ATXN10: variants seen among roughly 807,000 people sequenced by gnomAD.
ATXN10 encodes the protein ataxin-10.
In ATXN10, 28 loss-of-function variants were observed where a neutral mutation model predicts 52.9. The ratio of observed to expected loss-of-function variants is 0.53; its 90% CI spans 0.39 to 0.73. The LOEUF (loss-of-function observed/expected upper bound fraction) is 0.73, where lower values mean the gene tolerates loss of function less well. ATXN10 is among the 30% of genes least tolerant of loss of function. The pLI is 0.00. For missense variants in ATXN10, 565 were observed against 577.0 expected (o/e 0.98, Z 0.21); for synonymous variants, 226 against 221.5 (o/e 1.02, Z -0.18).
chr22:45,713,983 A>C (rs116195312), intron 5 of ATXN10, among the ~76,000 whole-genome samples: 10 of 152,298 alleles, frequency 6.6e-5, no homozygotes, highest in Admixed American at 6.5e-4. Flanking sequence ...GCATGTGGAC[A>C]AGTAATGATT....
chr22:45,672,273 T>A (rs1316235158), intron 1 of ATXN10, 94 bp downstream of exon 1: 10 of 1,218,570 alleles, frequency 8.2e-6, no homozygotes, highest in Non-Finnish European at 1.0e-5. Flanking sequence ...CGCCCCCGCC[T>A]CGCTGGAGAC....
Position 45,782,213 on chromosome 22 carries a change from T to C in ATXN10, c.1174-24746T>C, listed in dbSNP as rs117241450. 6.4e-3 allele frequency among the ~76,000 whole-genome samples: 969 copies of C among 152,346 alleles called. 7 individuals carry two copies. Among genetic ancestry groups the C allele is most frequent in the South Asian group, 0.015 (71 of 4,830 alleles). Reference sequence around the variant, plus strand: ...TTTTATTCTTCATGACTCGGGCCTATTGGCCTTAGTCCAGGATACATCAAC... The same window carrying C: ...TTTTATTCTTCATGACTCGGGCCTACTGGCCTTAGTCCAGGATACATCAAC... On this transcript the variant is annotated intron_variant, in intron 9 of 11. Coordinates refer to ENST00000252934, the MANE Select transcript of ATXN10 (RefSeq NM_013236.4).
At chr22:45,686,701 C>A (rs561100208) in intron 1 of ATXN10, among the ~76,000 whole-genome samples, 1 of 152,102 alleles carries the variant, frequency 6.6e-6, no homozygotes, top group Non-Finnish European at 1.5e-5. Flanking sequence ...CACCTGTAGT[C>A]CCAGCTACTC....
At chr22:45,798,482 C>T (rs1927822477) in intron 9 of ATXN10, among the ~76,000 whole-genome samples, 1 of 152,146 alleles carries the variant, frequency 6.6e-6, no homozygotes, top group Admixed American at 6.5e-5. Context: ...TACACTCATT[C>T]ACGTCAAAAT....
chr22:45,798,413 A>G (rs1335965084), intron 9 of ATXN10, among the ~76,000 whole-genome samples: 2 of 152,246 alleles, frequency 1.3e-5, no homozygotes, highest in East Asian at 1.9e-4. Context: ...TATTAACAGA[A>G]TAAGAGGGAG....
At chr22:45,756,369 CCCTGGGCTCGAGTGATCTTCCTGCCTTG>C (rs931772693) in intron 9 of ATXN10, among the ~76,000 whole-genome samples, 23 of 151,960 alleles carry the variant, frequency 1.5e-4, no homozygotes, top group Non-Finnish European at 2.8e-4. Context: ...AATCTCGAGC[CCCTGGGCTCGAGTGATCTTCCTGCCTTG>C]CCTCCCAAAG....
intron 9 of ATXN10, among the ~76,000 whole-genome samples, chr22:45,794,559 GTGT>G (rs1355914079): frequency 1.3e-5 from 2 of 151,740 alleles, no homozygotes; most frequent in African/African-American, 4.8e-5. Flanking sequence ...CTTCTCTGTA[GTGT>G]TGTTGTTCTA....
At chr22:45,788,854 G>T (rs1206851491) in intron 9 of ATXN10, among the ~76,000 whole-genome samples, 1 of 152,034 alleles carries the variant, frequency 6.6e-6, no homozygotes, top group Admixed American at 6.5e-5. Flanking sequence ...TCGCCGTGTT[G>T]TTCAGACTGG....
chr22:45,702,706 C>T lies in ATXN10; in HGVS notation c.506C>T (p.Pro169Leu), dbSNP rs374630499. The change falls in exon 5 of 12, where the codon CCG becomes CTG. Residue 169 changes from proline to leucine, a missense_variant. Pro to Leu is a moderately conservative substitution (Grantham distance 98, BLOSUM62 -3). Coordinates refer to ENST00000252934, the MANE Select transcript of ATXN10 (RefSeq NM_013236.4). ...TTTGGAAGGTCTTGCTTAAATCATC[C>T]GGACAAAAAAATTGTTGCCTACTCT... ...PELFLSCLNH[P>L]DKKIVAYSSM... The T allele has an allele frequency of 2.4e-5, 38 of 1,613,662 alleles. No individual in the cohort carries two copies. The highest frequency in any genetic ancestry group is 1.3e-4 in the African/African-American group (10 of 74,872).
intron 6 of ATXN10, among the ~76,000 whole-genome samples, chr22:45,720,506 T>C (rs1408445359): frequency 6.6e-6 from 1 of 152,072 alleles, no homozygotes; most frequent in Non-Finnish European, 1.5e-5. Context: ...CAGACTACCA[T>C]TGTAACCATT....
chr22:45,751,756 AAAAAAAAAAT>A (rs1261970827), intron 9 of ATXN10, among the ~76,000 whole-genome samples: 15 of 54,350 alleles, frequency 2.8e-4, no homozygotes, highest in Non-Finnish European at 3.7e-4. Context: ...AAAAAAAAAT[AAAAAAAAAAT>A]AATAATAATA....
intron 10 of ATXN10, among the ~76,000 whole-genome samples, chr22:45,834,808 T>C (rs1929112101): frequency 6.6e-6 from 1 of 152,166 alleles, no homozygotes; most frequent in African/African-American, 2.4e-5. Context: ...GCGGTGTGCA[T>C]GGGTGTGCCA....
In ATXN10 at chr22:45,766,974, A is replaced by G. The variant is rs1428807372; in HGVS notation, c.1173+26436A>G. On this transcript the variant is annotated intron_variant, in intron 9 of 11. Transcript: ENST00000252934. This position sits in a 1 kb window ranked among gnomAD's most constrained non-coding sequence, Gnocchi z 4.6. ...ACCATTTTTCACCTGTGTGATATCA[A>G]ATGTAGTTGGCAAGACCATAGGGCA... Among the ~76,000 whole-genome samples the G allele has an allele frequency of 6.6e-6, 1 of 152,246 alleles. No homozygotes were observed.
In ATXN10 at chr22:45,750,361, G is replaced by A. The variant is rs923744397; in HGVS notation, c.1173+9823G>A. On this transcript the variant is annotated intron_variant, in intron 9 of 11. Coordinates refer to ENST00000252934, the MANE Select transcript of ATXN10 (RefSeq NM_013236.4). The surrounding 1 kb of genome is among the most constrained non-coding windows in gnomAD (Gnocchi z 4.2). ...TCTGTCCACCTTGGCCTCCCAAAGT[G>A]CTAGGATTACAGGTGTGAGTCACCA... 6.6e-6 allele frequency among the ~76,000 whole-genome samples: 1 copy of A among 152,100 alleles called. No individual in the cohort carries two copies. Among genetic ancestry groups the A allele is most frequent in the African/African-American group, 2.4e-5 (1 of 41,422 alleles).
rs971285507 is a variant in ATXN10 at position 45,824,666 on chromosome 22, A to G, written c.1237+17644A>G. 2.0e-5 allele frequency among the ~76,000 whole-genome samples: 3 copies of G among 152,270 alleles called. No individual in the cohort carries two copies. The highest frequency in any genetic ancestry group is 7.2e-5 in the African/African-American group (3 of 41,478). ...AGTGCAGTAAACACATCACATATCC[A>G]TGGGTATATGGTGGCAGCTAGAAAA... On this transcript the variant is annotated intron_variant, in intron 10 of 11. Coordinates refer to ENST00000252934, the MANE Select transcript of ATXN10 (RefSeq NM_013236.4). The surrounding 1 kb of genome is among the most constrained non-coding windows in gnomAD (Gnocchi z 5.2).
Position 45,835,376 on chromosome 22 carries a change from C to T in ATXN10, c.1238-7615C>T, listed in dbSNP as rs1929133751. On this transcript the variant is annotated intron_variant, in intron 10 of 11. Transcript: ENST00000252934. The surrounding 1 kb of genome is among the most constrained non-coding windows in gnomAD (Gnocchi z 5.0). ...TGCCACAGCCCTTCGCTCGGGCCCA[C>T]GGGGTGCAGTGGAGGAAGTGTGAGC... Among the ~76,000 whole-genome samples, 3 of 152,236 alleles carry T rather than the reference C, an allele frequency of 2.0e-5. No homozygotes were observed. The highest frequency in any genetic ancestry group is 2.1e-4 in the South Asian group (1 of 4,820).
chr22:45,738,535 G>T (rs919374828), intron 7 of ATXN10, 196 bp from the exon 8 acceptor site: 24 of 554,448 alleles, frequency 4.3e-5, no homozygotes, highest in Non-Finnish European at 6.7e-5. Flanking sequence ...GATGTCTGCT[G>T]TTAGTGAAAA....
rs553291164 is a variant in ATXN10, at chr22:45,835,694, G to A, written c.1238-7297G>A. 6.6e-6 allele frequency among the ~76,000 whole-genome samples: 1 copy of A among 152,280 alleles called. No homozygotes were observed. Among genetic ancestry groups the A allele is most frequent in the African/African-American group, 2.4e-5 (1 of 41,570 alleles). On this transcript the variant is annotated intron_variant, in intron 10 of 11. Transcript: ENST00000252934. This position sits in a 1 kb window ranked among gnomAD's most constrained non-coding sequence, Gnocchi z 5.0. ...TTAGCAGCCTCAGCTTTCAGTGCAG[G>A]GGTGTTGCTGAGATGGCTTTTTCCC...
intron 1 of ATXN10, among the ~76,000 whole-genome samples, chr22:45,686,309 G>A (rs931780500): frequency 6.6e-6 from 1 of 152,152 alleles, no homozygotes; most frequent in East Asian, 1.9e-4. Context: ...CAATTAATGG[G>A]TGCCAATTCT....
Sources: allele counts gnomAD v4.1 joint callset (sites outside exome capture counted in the v4.1 genomes callset), GRCh38; gene constraint gnomAD v4.1.1; non-coding constraint Gnocchi (gnomAD v3.1); transcripts MANE v1.5; gene names NCBI Gene and HGNC (gene_info 2026-07-23, HGNC 2026-07-21).